DPH6: variants seen among roughly 807,000 people sequenced by gnomAD.
DPH6 encodes the protein diphthamine biosynthesis 6.
DPH6 carries 33 observed loss-of-function variants against 38.2 expected under a neutral mutation model. That is an observed-to-expected ratio of 0.86 (90% CI 0.65 to 1.15). The LOEUF (loss-of-function observed/expected upper bound fraction) is 1.15, where lower values mean the gene tolerates loss of function less well. Ranked by LOEUF, DPH6 falls within the 50% of genes most tolerant of loss-of-function variation. The pLI is 0.00. For synonymous variants in DPH6, 108 were observed against 103.0 expected, an observed-to-expected ratio of 1.05 and a Z score of -0.30; for missense variants, 325 against 320.0, an observed-to-expected ratio of 1.02 and a Z score of -0.12.
In DPH6 at chr15:35,385,970, A is replaced by G. The variant is rs527354185; in HGVS notation, c.568-4054T>C. Among the ~76,000 whole-genome samples the G allele has an allele frequency of 6.6e-5, 10 of 151,966 alleles. 1 individual carries two copies. The highest frequency in any genetic ancestry group is 2.1e-4 in the South Asian group (1 of 4,796). ...ATTAACTCTTCATTTAGCATTAGGT[A>G]TATCTCCTAATGCTATCCCTCCCTG... On this transcript the variant is annotated intron_variant, in intron 6 of 8. Coordinates refer to ENST00000256538, the MANE Select transcript of DPH6 (RefSeq NM_080650.4).
chr15:35,152,171 T>C, the DPH6 span, among the ~76,000 whole-genome samples: 1 of 152,228 alleles, frequency 6.6e-6, no homozygotes, highest in Non-Finnish European at 1.5e-5. Flanking sequence ...TTTATATCAA[T>C]TAGCCTATGG....
chr15:35,494,018 T>C (rs1595414590), intron 3 of DPH6, among the ~76,000 whole-genome samples: 1 of 152,202 alleles, frequency 6.6e-6, no homozygotes, highest in Admixed American at 6.5e-5. Context: ...GATTCCACCA[T>C]TTATTAGCTA....
At chr15:35,509,136 G>A (rs1252707362) in intron 3 of DPH6, among the ~76,000 whole-genome samples, 4 of 152,114 alleles carry the variant, frequency 2.6e-5, no homozygotes, top group African/African-American at 7.2e-5. Context: ...AAAAAGCTGT[G>A]CTATACAATT....
chr15:35,422,840 T>C (rs1473586954), intron 5 of DPH6, among the ~76,000 whole-genome samples: 2 of 151,936 alleles, frequency 1.3e-5, no homozygotes, highest in African/African-American at 4.8e-5. Flanking sequence ...CTGGTTTATT[T>C]TACATAGTAT....
the DPH6 span, among the ~76,000 whole-genome samples, chr15:35,149,269 T>C: frequency 6.6e-6 from 1 of 152,116 alleles, no homozygotes; most frequent in South Asian, 2.1e-4. Context: ...ATGGAGTCTC[T>C]CTCTGTTACC....
intron 3 of DPH6, among the ~76,000 whole-genome samples, chr15:35,312,010 G>GAAAAT (rs2052146443): frequency 9.8e-6 from 1 of 102,142 alleles, no homozygotes; most frequent in Non-Finnish European, 1.9e-5. Context: ...TTAAGAAAAT[G>GAAAAT]AAAAAAAAAA....
chr15:35,322,900 C>A (rs2052252259), intron 3 of DPH6, among the ~76,000 whole-genome samples: 2 of 151,902 alleles, frequency 1.3e-5, no homozygotes, highest in African/African-American at 4.8e-5. Flanking sequence ...CTATTATATG[C>A]CTCTGAACAT....
chr15:35,150,684 C>T, the DPH6 span, among the ~76,000 whole-genome samples: 1 of 152,148 alleles, frequency 6.6e-6, no homozygotes, highest in Non-Finnish European at 1.5e-5. Flanking sequence ...CATGCTACAG[C>T]CTTTACATGG....
In DPH6 at chr15:35,372,138, C is replaced by G. The variant is rs2052720525; in HGVS notation, c.*12G>C. On this transcript the variant is annotated 3_prime_UTR_variant, in exon 9 of 9. Coordinates refer to ENST00000256538, the MANE Select transcript of DPH6 (RefSeq NM_080650.4). The stretch of plus-strand genomic sequence containing the variant: ...AAATGGTGGTTTAATGAACAATGTT[C>G]CAAAACACTTTTCAAAAATTATATA... The G allele has an allele frequency of 6.6e-7, 1 of 1,516,300 alleles. No homozygotes were observed. Among genetic ancestry groups the G allele is most frequent in the Non-Finnish European group, 8.8e-7 (1 of 1,133,802 alleles). 93.9% of individuals were successfully genotyped at this position (1,516,300 alleles called of 1,614,324 possible). A position where few individuals can be genotyped will look rare whatever the true frequency, so the allele number is the denominator to read the frequency against.
At chr15:35,451,727 T>C (rs149373142) in intron 4 of DPH6, among the ~76,000 whole-genome samples, 3 of 152,112 alleles carry the variant, frequency 2.0e-5, no homozygotes, top group Non-Finnish European at 4.4e-5. Context: ...AGACATAAAA[T>C]AGGACAGGCG....
intron 5 of DPH6, among the ~76,000 whole-genome samples, chr15:35,428,709 G>T (rs1490666320): frequency 6.6e-6 from 1 of 152,036 alleles, no homozygotes; most frequent in African/African-American, 2.4e-5. Context: ...TTCAAACATT[G>T]TGAATTGCTA....
intron 3 of DPH6, 78 bp downstream of exon 3, chr15:35,538,196 A>G: frequency 7.9e-7 from 1 of 1,259,602 alleles, no homozygotes; most frequent in Non-Finnish European, 1.0e-6. Flanking sequence ...CAAATTACGG[A>G]TTACTAAATA....
intron 3 of DPH6, among the ~76,000 whole-genome samples, chr15:35,221,820 A>G (rs1436422303): frequency 3.3e-5 from 5 of 152,132 alleles, no homozygotes; most frequent in Non-Finnish European, 4.4e-5. Flanking sequence ...TTTTTAATTA[A>G]TTATAAATTC....
intron 3 of DPH6, among the ~76,000 whole-genome samples, chr15:35,268,430 G>C (rs1481109587): frequency 6.6e-6 from 1 of 151,466 alleles, no homozygotes; most frequent in Non-Finnish European, 1.5e-5. Context: ...GAAAGAATGG[G>C]TGACATATTC....
chr15:35,380,956 T>G (rs889276021), intron 7 of DPH6, among the ~76,000 whole-genome samples: 10 of 152,162 alleles, frequency 6.6e-5, no homozygotes, highest in Non-Finnish European at 1.3e-4. Context: ...AAAGCAAGAG[T>G]GCATGAATAT....
rs149996784 is a variant in DPH6 at position 35,381,905 on chromosome 15, C to G, written c.579G>C (p.Lys193Asn). Residue 193 changes from lysine to asparagine, a missense_variant, in exon 7 of 9, where the codon AAG becomes AAC. Transcript: ENST00000256538. ...CTTCTCCACAAACATGTACTCCATA[C>G]TTCTTAGAAAGCTGAAAATAGGAAA... Reference protein sequence around the residue: ...MEPYLIELSKKYGVHVCGEGG... With the variant: ...MEPYLIELSKNYGVHVCGEGG... 143 of 1,611,350 alleles carry G rather than the reference C, an allele frequency of 8.9e-5. No individual in the cohort carries two copies. In the African/African-American group the frequency reaches 1.7e-3, roughly 20 times the overall value.
At chr15:35,249,872 T>C (rs1159250560) in intron 3 of DPH6, among the ~76,000 whole-genome samples, 1 of 152,120 alleles carries the variant, frequency 6.6e-6, no homozygotes, top group Non-Finnish European at 1.5e-5. Context: ...GATAAAATTA[T>C]ATAAAATACG....
chr15:35,422,560 TTGTG>T (rs752502820), intron 5 of DPH6, among the ~76,000 whole-genome samples: 1 of 151,886 alleles, frequency 6.6e-6, no homozygotes, highest in Non-Finnish European at 1.5e-5. Context: ...CAGTTACCAT[TTGTG>T]TGTGTGTTGT....
chr15:35,382,831 A>T (rs960485371), intron 6 of DPH6, among the ~76,000 whole-genome samples: 6 of 152,008 alleles, frequency 3.9e-5, no homozygotes, highest in African/African-American at 1.4e-4. Flanking sequence ...AATTTGTCTA[A>T]TCAAACCTGA....
Sources: gnomAD v4.1 joint callset for allele counts (sites outside exome capture counted in the v4.1 genomes callset) on GRCh38, gnomAD v4.1.1 for gene constraint, MANE v1.5 for transcripts, NCBI Gene and HGNC (gene_info 2026-07-23, HGNC 2026-07-21) for gene names.